LHX8: variants seen among roughly 807,000 people sequenced by gnomAD.
LHX8 encodes LIM homeobox 8.
LHX8 carries 12 observed loss-of-function variants against 40.3 expected under a neutral mutation model. That is an observed-to-expected ratio of 0.30 (90% CI 0.19 to 0.48). The LOEUF is 0.48. Ranked by LOEUF, LHX8 falls within the 20% of genes least tolerant of loss-of-function variation. The probability of loss-of-function intolerance (pLI) is 0.99; values close to 1 mark genes in which losing one functional copy is unlikely to be tolerated. For missense variants in LHX8, 344 were observed against 433.7 expected (o/e 0.79, Z 1.84); for synonymous variants, 179 against 162.0 (o/e 1.10, Z -0.80).
the LHX8 span, among the ~76,000 whole-genome samples, chr1:75,189,512 T>C: frequency 1.3e-5 from 2 of 152,174 alleles, no homozygotes; most frequent in African/African-American, 4.8e-5. Flanking sequence ...ATTTAATTTA[T>C]GGATAGGGTG....
rs1383013761 is a variant in LHX8 at position 75,134,642 on chromosome 1, T to C, written c.-325T>C. Reference sequence around the variant, plus strand: ...GCCATGTATTGGAAGAACGATCAGATGTTTGTGTGTAAACTAGTAGCAAAG... The same window carrying C: ...GCCATGTATTGGAAGAACGATCAGACGTTTGTGTGTAAACTAGTAGCAAAG... On this transcript the variant is annotated 5_prime_UTR_variant, in exon 1 of 9. An upstream start codon of the reference 5' UTR is lost. Transcript: ENST00000356261. Among the ~76,000 whole-genome samples the C allele has an allele frequency of 1.3e-5, 2 of 152,102 alleles. No homozygotes were observed. Among genetic ancestry groups the C allele is most frequent in the Non-Finnish European group, 2.9e-5 (2 of 68,022 alleles).
At chr1:75,136,840 G>GGA in intron 2 of LHX8, 151 bp downstream of exon 2, 1 of 448,662 alleles carries the variant, frequency 2.2e-6, no homozygotes, top group African/African-American at 2.0e-5. Context: ...GGTGGGGTGG[G>GGA]AAGCTTAGCT....
chr1:75,175,133 T>C, the LHX8 span, among the ~76,000 whole-genome samples: 4 of 152,238 alleles, frequency 2.6e-5, no homozygotes, highest in South Asian at 6.2e-4. Context: ...GCAGCAAATG[T>C]CATTATTTTA....
intron 8 of LHX8, chr1:75,160,495 G>A (rs1483430729): frequency 8.7e-6 from 3 of 344,480 alleles, no homozygotes; most frequent in Non-Finnish European, 1.1e-5. Flanking sequence ...ACACCTTCAT[G>A]AGAAAGCTAG....
the LHX8 span, among the ~76,000 whole-genome samples, chr1:75,188,084 G>A: frequency 6.6e-6 from 1 of 152,128 alleles, no homozygotes; most frequent in Non-Finnish European, 1.5e-5. Flanking sequence ...CCAGCTATGG[G>A]AGGAGAAAAA....
chr1:75,187,482 G>A, the LHX8 span, among the ~76,000 whole-genome samples: 1 of 152,280 alleles, frequency 6.6e-6, no homozygotes, highest in African/African-American at 2.4e-5. Context: ...TCAAGTTGTT[G>A]GCTATTGGAA....
At chr1:75,172,133 A>G in the LHX8 span, among the ~76,000 whole-genome samples, 1 of 152,150 alleles carries the variant, frequency 6.6e-6, no homozygotes, top group Non-Finnish European at 1.5e-5. Flanking sequence ...TTCCATTTTA[A>G]TATTCTTATT....
At chr1:75,179,239 G>A in the LHX8 span, among the ~76,000 whole-genome samples, 1 of 152,136 alleles carries the variant, frequency 6.6e-6, no homozygotes, top group African/African-American at 2.4e-5. Flanking sequence ...TTAACCTTCT[G>A]TCTCTTTGAT....
upstream of LHX8, among the ~76,000 whole-genome samples, chr1:75,134,063 A>G (rs962896419): frequency 6.6e-6 from 1 of 152,104 alleles, no homozygotes; most frequent in Non-Finnish European, 1.5e-5. Context: ...TGCTGCAGAA[A>G]GAGATGTAAC....
chr1:75,199,366 T>C, the LHX8 span, among the ~76,000 whole-genome samples: 1 of 152,208 alleles, frequency 6.6e-6, no homozygotes, highest in Non-Finnish European at 1.5e-5. Context: ...ATGTGGAGAT[T>C]CCAAGGTTAT....
chr1:75,144,934 AT>A (rs1648421266), intron 6 of LHX8, among the ~76,000 whole-genome samples: 1 of 152,072 alleles, frequency 6.6e-6, no homozygotes, highest in Non-Finnish European at 1.5e-5. Flanking sequence ...TCAGGAGATA[AT>A]TTTTATTTTG....
At chr1:75,183,990 A>T in the LHX8 span, among the ~76,000 whole-genome samples, 3 of 152,212 alleles carry the variant, frequency 2.0e-5, no homozygotes, top group Non-Finnish European at 4.4e-5. Context: ...AATTTCAGAC[A>T]AAACAGATTT....
chr1:75,164,464 C>A (rs1312230608), downstream of LHX8, among the ~76,000 whole-genome samples: 1 of 151,964 alleles, frequency 6.6e-6, no homozygotes, highest in African/African-American at 2.4e-5. Flanking sequence ...ATTCTTATTT[C>A]CCCAGTGTGA....
the LHX8 span, among the ~76,000 whole-genome samples, chr1:75,194,283 C>A: frequency 6.6e-6 from 1 of 152,138 alleles, no homozygotes; most frequent in Non-Finnish European, 1.5e-5. Context: ...AATAATAAGG[C>A]TGGCATCCTG....
At chr1:75,163,696 T>C (rs960789833), downstream of LHX8, among the ~76,000 whole-genome samples, 1 of 152,200 alleles carries the variant, frequency 6.6e-6, no homozygotes, top group African/African-American at 2.4e-5. Flanking sequence ...TTAGTAAATA[T>C]CTTTACAAGT....
At chr1:75,186,161 T>C in the LHX8 span, among the ~76,000 whole-genome samples, 1 of 152,150 alleles carries the variant, frequency 6.6e-6, no homozygotes, top group African/African-American at 2.4e-5. Flanking sequence ...AGACTACCAA[T>C]GACATTCTTC....
chr1:75,178,158 A>G, the LHX8 span, among the ~76,000 whole-genome samples: 6 of 152,160 alleles, frequency 3.9e-5, no homozygotes, highest in African/African-American at 7.2e-5. Context: ...TGTCTCTGCC[A>G]GGCCTTGGTA....
intron 7 of LHX8, among the ~76,000 whole-genome samples, chr1:75,154,168 A>G (rs1177888986): frequency 1.3e-5 from 2 of 152,168 alleles, no homozygotes; most frequent in African/African-American, 2.4e-5. Context: ...AAGGACTTAT[A>G]CTTGATTCTG....
At chr1:75,136,289 A>T (rs1407753027) in intron 1 of LHX8, among the ~76,000 whole-genome samples, 2 of 151,352 alleles carry the variant, frequency 1.3e-5, no homozygotes, top group Non-Finnish European at 2.9e-5. Flanking sequence ...TTGTGAGGGG[A>T]TGATTGTTAT....
Sources: allele counts gnomAD v4.1 joint callset (sites outside exome capture counted in the v4.1 genomes callset), GRCh38; gene constraint gnomAD v4.1.1; transcripts MANE v1.5; gene names NCBI Gene and HGNC (gene_info 2026-07-23, HGNC 2026-07-21).